The following EXT1 variants were observed in gnomAD, a reference collection of about 807,000 sequenced individuals.
EXT1 encodes exostosin-1.
A neutral mutation model predicts 82.5 loss-of-function variants in EXT1; 20 were observed. The ratio of observed to expected loss-of-function variants is 0.24; its 90% confidence interval spans 0.17 to 0.35. The LOEUF is 0.35. EXT1 is among the 10% of genes least tolerant of loss of function. EXT1 has a pLI of 1.00. For synonymous variants in EXT1, 348 were observed against 350.8 expected (o/e 0.99, Z 0.09); for missense variants, 757 against 936.5 (o/e 0.81, Z 2.50).
intron 1 of EXT1, among the ~76,000 whole-genome samples, chr8:118,049,533 C>T (rs988147362): frequency 6.6e-6 from 1 of 152,128 alleles, no homozygotes; most frequent in African/African-American, 2.4e-5. Flanking sequence ...ACAAGAAATG[C>T]CCCATTCATG....
intron 1 of EXT1, among the ~76,000 whole-genome samples, chr8:118,067,033 T>A (rs557577061): frequency 2.6e-5 from 4 of 152,328 alleles, no homozygotes; most frequent in African/African-American, 9.6e-5. Flanking sequence ...TGGTAGATTG[T>A]TTGTAACATA....
intron 1 of EXT1, among the ~76,000 whole-genome samples, chr8:118,028,886 C>T (rs1400618294): frequency 1.3e-5 from 2 of 152,182 alleles, no homozygotes; most frequent in African/African-American, 4.8e-5. Context: ...CGCGCCATTG[C>T]ACTCCAGCCT....
intron 1 of EXT1, among the ~76,000 whole-genome samples, chr8:117,878,353 T>TAA (rs1219062524): frequency 1.3e-5 from 2 of 152,206 alleles, no homozygotes; most frequent in South Asian, 2.1e-4. Context: ...AGGAATGTGA[T>TAA]TATCCTGAGT....
At chr8:117,864,580 T>C (rs1191367429) in intron 1 of EXT1, among the ~76,000 whole-genome samples, 1 of 152,036 alleles carries the variant, frequency 6.6e-6, no homozygotes. Flanking sequence ...AAACCCCGTC[T>C]CTACTAAAAA....
intron 1 of EXT1, among the ~76,000 whole-genome samples, chr8:117,920,179 AC>A (rs1300331251): frequency 2.0e-5 from 3 of 152,080 alleles, no homozygotes; most frequent in Non-Finnish European, 4.4e-5. Context: ...ATCTCGGCTC[AC>A]TGCAACCTCC....
rs967961492 is a variant in EXT1 at position 117,797,667 on chromosome 8, C to T, written c.*2045G>A. ...TAAAGATTAACTGCTAATCTTTTAA[C>T]TTGCTGAGAAGTGCAGCTTAAATGA... On this transcript the variant is annotated 3_prime_UTR_variant, in exon 11 of 11. Coordinates refer to ENST00000378204, the MANE Select transcript of EXT1 (RefSeq NM_000127.3). The T allele has an allele frequency of 1.3e-5, 2 of 152,220 alleles. No individual in the cohort carries two copies. The highest frequency in any genetic ancestry group is 6.5e-5 in the Admixed American group (1 of 15,290). 9.4% of individuals were successfully genotyped at this position (152,220 alleles called of 1,614,324 possible).
chr8:117,930,381 T>C (rs1814034498), intron 1 of EXT1, among the ~76,000 whole-genome samples: 1 of 149,842 alleles, frequency 6.7e-6, no homozygotes, highest in Admixed American at 6.6e-5. Flanking sequence ...TTAATTACTT[T>C]ATTCATATAT....
chr8:117,936,306 A>C (rs979052263), intron 1 of EXT1, among the ~76,000 whole-genome samples: 5 of 152,216 alleles, frequency 3.3e-5, no homozygotes, highest in African/African-American at 1.2e-4. Flanking sequence ...AGACTCCACT[A>C]GTCCACTGGA....
intron 1 of EXT1, among the ~76,000 whole-genome samples, chr8:117,997,622 GA>G: frequency 6.6e-6 from 1 of 152,168 alleles, no homozygotes; most frequent in South Asian, 2.1e-4. Flanking sequence ...ATTGCTTTGA[GA>G]AAGAGATCAA....
Position 117,968,727 on chromosome 8 carries a change from G to A in EXT1, c.963-131526C>T, listed in dbSNP as rs1288350835. 1.2e-4 allele frequency among the ~76,000 whole-genome samples: 12 copies of A among 104,338 alleles called. 3 individuals carry two copies. The highest frequency in any genetic ancestry group is 2.9e-4 in the Admixed American group (3 of 10,434). 68.4% of individuals were successfully genotyped at this position (104,338 alleles called of 152,430 possible). ...TGGGACTATAGGCGCCCACCACGAC[G>A]CCCGGCTAATTTTTTGTATTTTTAG... On this transcript the variant is annotated intron_variant, in intron 1 of 10. Coordinates refer to ENST00000378204, the MANE Select transcript of EXT1 (RefSeq NM_000127.3).
chr8:117,953,815 C>A (rs1439009751), intron 1 of EXT1, among the ~76,000 whole-genome samples: 1 of 152,022 alleles, frequency 6.6e-6, no homozygotes, highest in Non-Finnish European at 1.5e-5. Context: ...GAGGCTGAGG[C>A]AGGAGAATCA....
chr8:117,884,982 T>C (rs1010034188), intron 1 of EXT1, among the ~76,000 whole-genome samples: 2 of 152,228 alleles, frequency 1.3e-5, no homozygotes, highest in African/African-American at 4.8e-5. Context: ...TTCTAGTTAA[T>C]ACAGGCCTGC....
At chr8:118,079,995 C>T (rs577375397) in intron 1 of EXT1, among the ~76,000 whole-genome samples, 73 of 152,268 alleles carry the variant, frequency 4.8e-4, no homozygotes, top group Non-Finnish European at 2.2e-4. Flanking sequence ...TTCCCTTATT[C>T]AATAAACATT....
At chr8:117,937,144 G>A (rs1814180158) in intron 1 of EXT1, among the ~76,000 whole-genome samples, 1 of 152,096 alleles carries the variant, frequency 6.6e-6, no homozygotes, top group South Asian at 2.1e-4. Context: ...ATTTATGCTT[G>A]TTTGGCATAT....
chr8:117,890,052 G>C (rs977276099), intron 1 of EXT1, among the ~76,000 whole-genome samples: 7 of 152,036 alleles, frequency 4.6e-5, no homozygotes, highest in Non-Finnish European at 1.0e-4. Context: ...TATAAAATTG[G>C]CATTGTATCT....
rs188213324 is a variant in EXT1, at chr8:117,989,268, T to C, written c.962+120817A>G. ...CCCACCCCCATCCCACTGCCTCACC[T>C]GGCTCCTGCGTCGGCTAAGCCACAT... is the stretch of plus-strand genomic sequence containing the variant. On this transcript the variant is annotated intron_variant, in intron 1 of 10. Coordinates refer to ENST00000378204, the MANE Select transcript of EXT1 (RefSeq NM_000127.3). Among the ~76,000 whole-genome samples, 1,121 of 146,908 alleles carry C rather than the reference T, an allele frequency of 7.6e-3. 13 individuals are homozygous for C. The highest frequency in any genetic ancestry group is 0.026 in the African/African-American group (1,030 of 39,120).
At chr8:118,097,570 GACCCACTGCCTTA>G (rs1817643842) in intron 1 of EXT1, among the ~76,000 whole-genome samples, 1 of 152,172 alleles carries the variant, frequency 6.6e-6, no homozygotes, top group Non-Finnish European at 1.5e-5. Flanking sequence ...TTAAGGTTGA[GACCCACTGCCTTA>G]ACCCACTTCC....
chr8:117,847,001 T>G (rs1587008532), intron 1 of EXT1, among the ~76,000 whole-genome samples: 1 of 152,176 alleles, frequency 6.6e-6, no homozygotes, highest in African/African-American at 2.4e-5. Flanking sequence ...CACTCTGTAT[T>G]AAGTTGCCCA....
intron 1 of EXT1, among the ~76,000 whole-genome samples, chr8:117,845,942 A>C (rs537545195): frequency 5.9e-5 from 9 of 152,296 alleles, no homozygotes; most frequent in African/African-American, 2.2e-4. Flanking sequence ...TTGTGCAAGG[A>C]GGATGGGATC....
Sources: gnomAD v4.1 joint callset for allele counts (sites outside exome capture counted in the v4.1 genomes callset) on GRCh38, gnomAD v4.1.1 for gene constraint, MANE v1.5 for transcripts, NCBI Gene and HGNC (gene_info 2026-07-23, HGNC 2026-07-21) for gene names.